TBC1D14: variants seen among roughly 807,000 people sequenced by gnomAD.
TBC1D14 encodes the protein TBC1 domain family member 14.
TBC1D14 carries 26 observed loss-of-function variants against 79.0 expected under a neutral mutation model. The observed-to-expected ratio is 0.33, with a 90% CI of 0.24 to 0.46. TBC1D14 has a LOEUF of 0.46. Ranked by LOEUF, TBC1D14 falls within the 20% of genes least tolerant of loss-of-function variation. The pLI is 1.00. For missense variants in TBC1D14, 769 were observed against 887.6 expected, an observed-to-expected ratio of 0.87 and a Z score of 1.70; for synonymous variants, 394 against 349.9, an observed-to-expected ratio of 1.13 and a Z score of -1.40.
Position 7,010,685 on chromosome 4 carries a change from G to T in TBC1D14, c.1551G>T (p.Leu517Phe). 2 of 1,614,052 alleles carry T rather than the reference G, an allele frequency of 1.2e-6. No individual in the cohort carries two copies. The highest frequency in any genetic ancestry group is 1.1e-5 in the South Asian group (1 of 91,052). The change falls in exon 11 of 14, where the codon TTG (leucine) becomes TTT (phenylalanine). Residue 517 changes from leucine to phenylalanine, a missense_variant. Physicochemically the swap from Leu to Phe is conservative, Grantham distance 22. Around this residue, in one of 2 missense-constraint regions of TBC1D14, gnomAD observed 367 missense variants for 494.4 expected, o/e 0.74. Transcript: ENST00000409757. Reference protein sequence around the residue: ...VQGMSFIAAVLILNLDTADAF... With the variant: ...VQGMSFIAAVFILNLDTADAF... ...GCATGTCCTTCATAGCAGCAGTGTT[G>T]ATCTTGAACTTAGATACTGCAGATG...
At chr4:7,025,578 C>T (rs1281290867) in intron 13 of TBC1D14, among the ~76,000 whole-genome samples, 2 of 152,188 alleles carry the variant, frequency 1.3e-5, no homozygotes, top group Non-Finnish European at 2.9e-5. Context: ...TTGTAAGCCA[C>T]GTACCCCCCT....
chr4:6,923,828 G>A lies in TBC1D14; in HGVS notation c.439G>A (p.Ala147Thr), dbSNP rs765253296. Residue 147 changes from alanine (A) to threonine (T), a missense_variant, in exon 2 of 14, where the codon GCC (alanine) becomes ACC (threonine). Coordinates refer to ENST00000409757, the MANE Select transcript of TBC1D14 (RefSeq NM_020773.3). ...AAAGCTCTATAGCCCGACCTCCAAA[G>A]CCCTGACCCGCAGCGATGATGTCTC... Reference protein sequence around the residue: ...SVKLYSPTSKALTRSDDVSVC... With the variant: ...SVKLYSPTSKTLTRSDDVSVC... 13 of 1,614,178 alleles carry A rather than the reference G, an allele frequency of 8.1e-6. No homozygotes were observed. The highest frequency in any genetic ancestry group is 1.1e-5 in the Non-Finnish European group (13 of 1,180,054).
rs537453867 is a variant in TBC1D14 at position 6,974,269 on chromosome 4, A to G, written c.843+6845A>G. On this transcript the variant is annotated intron_variant, in intron 3 of 13. Transcript: ENST00000409757. ...GCTGATTAGAAGAATTTTGTTTCCA[A>G]GGGGTAAAGTGTGAACCCCCCGATG... Among the ~76,000 whole-genome samples, 16 of 152,254 alleles carry G rather than the reference A, an allele frequency of 1.1e-4. No homozygotes were observed. In the East Asian group the frequency reaches 3.1e-3, roughly 29 times the overall value.
intron 9 of TBC1D14, 128 bp from the exon 10 acceptor site, chr4:7,009,749 A>G (rs1295104286): frequency 1.1e-5 from 10 of 932,110 alleles, no homozygotes; most frequent in Non-Finnish European, 1.4e-5. Context: ...TGCTGGCATC[A>G]TGCTTGGCAT....
At chr4:6,966,991 A>G (rs1340763565) in intron 2 of TBC1D14, among the ~76,000 whole-genome samples, 1 of 152,064 alleles carries the variant, frequency 6.6e-6, no homozygotes, top group Non-Finnish European at 1.5e-5. Flanking sequence ...TTGTATTTTT[A>G]GTAGAGACGG....
chr4:6,938,742 G>C (rs759528968), intron 2 of TBC1D14, among the ~76,000 whole-genome samples: 1 of 152,184 alleles, frequency 6.6e-6, no homozygotes, highest in African/African-American at 2.4e-5. Flanking sequence ...TGTGTGCCTC[G>C]TGGATCCCGC....
At chr4:6,972,644 A>G (rs1343867029) in intron 3 of TBC1D14, among the ~76,000 whole-genome samples, 2 of 152,116 alleles carry the variant, frequency 1.3e-5, no homozygotes, top group African/African-American at 2.4e-5. Context: ...GTCTGAAGCT[A>G]TGGTTTTTGT....
chr4:6,972,341 G>T (rs1716297396), intron 3 of TBC1D14, among the ~76,000 whole-genome samples: 1 of 152,232 alleles, frequency 6.6e-6, no homozygotes, highest in African/African-American at 2.4e-5. Flanking sequence ...GAGGTCACCT[G>T]TTTCAAGTGA....
chr4:6,960,015 ATGGC>A (rs1715032955), intron 2 of TBC1D14, among the ~76,000 whole-genome samples: 1 of 151,396 alleles, frequency 6.6e-6, no homozygotes, highest in Admixed American at 6.6e-5. Context: ...ACACGTTTGC[ATGGC>A]TCAGAAATCA....
rs73799050 is a variant in TBC1D14, at chr4:7,001,047, G to A, written c.1164-98G>A. 4.8e-3 allele frequency: 4,468 copies of A among 927,544 alleles called. 138 individuals carry two copies. In the African/African-American group the frequency reaches 0.06, roughly 12 times the overall value. The allele number at this position is 927,544 out of a possible 1,614,324, so 57.5% of individuals were successfully genotyped here. On this transcript the variant is annotated intron_variant, in intron 6 of 13. Transcript: ENST00000409757. ...GGGCAGGGGCTGTGCCTGATGCAAC[G>A]GTGCATCCCAGCTCTTGGTGGTTCG...
At chr4:6,994,510 A>G (rs940293217) in intron 4 of TBC1D14, among the ~76,000 whole-genome samples, 2 of 152,236 alleles carry the variant, frequency 1.3e-5, no homozygotes, top group African/African-American at 4.8e-5. Context: ...AGTTTTGACC[A>G]GGATTTTCCG....
intron 3 of TBC1D14, among the ~76,000 whole-genome samples, chr4:6,968,866 G>A (rs1715960795): frequency 6.6e-6 from 1 of 152,272 alleles, no homozygotes; most frequent in African/African-American, 2.4e-5. Flanking sequence ...AAGAGAAAGT[G>A]GGGTCTGGCC....
chr4:6,997,011 T>C (rs1401173625), intron 5 of TBC1D14: 1 of 152,238 alleles, frequency 6.6e-6, no homozygotes, highest in East Asian at 1.9e-4. Flanking sequence ...ATATATAACA[T>C]GGATGTGAGG....
At chr4:7,003,721 C>T (rs1397721127) in intron 7 of TBC1D14, among the ~76,000 whole-genome samples, 2 of 151,962 alleles carry the variant, frequency 1.3e-5, no homozygotes, top group Non-Finnish European at 2.9e-5. Context: ...AGAGGAGTGG[C>T]GGGTGCAGCA....
At chr4:6,951,403 A>T (rs1002152953) in intron 2 of TBC1D14, among the ~76,000 whole-genome samples, 8 of 152,178 alleles carry the variant, frequency 5.3e-5, no homozygotes, top group African/African-American at 2.4e-5. Context: ...TGGGTGTGGT[A>T]GCCTGCAATC....
At chr4:6,944,790 G>A (rs905636008) in intron 2 of TBC1D14, among the ~76,000 whole-genome samples, 3 of 152,182 alleles carry the variant, frequency 2.0e-5, no homozygotes, top group Admixed American at 6.5e-5. Context: ...TGGACACAGC[G>A]TCACTGGTTC....
intron 13 of TBC1D14, 123 bp from the exon 14 acceptor site, chr4:7,030,204 G>T: frequency 1.2e-6 from 1 of 832,020 alleles, no homozygotes; most frequent in African/African-American, 1.7e-5. Flanking sequence ...CTGGAGGGTT[G>T]GAGGCAGTGG....
chr4:7,012,950 A>G (rs1422875435), intron 11 of TBC1D14, among the ~76,000 whole-genome samples: 2 of 152,232 alleles, frequency 1.3e-5, no homozygotes, highest in Admixed American at 6.5e-5. Context: ...ATTCCTGAAA[A>G]TAATTCCTGC....
At chr4:7,014,722 G>T (rs952258268) in intron 12 of TBC1D14, among the ~76,000 whole-genome samples, 165 bp downstream of exon 12, 1 of 152,138 alleles carries the variant, frequency 6.6e-6, no homozygotes, top group Admixed American at 6.5e-5. Context: ...CAGTGCCTCC[G>T]CCTGGCCCTC....
Sources: gnomAD v4.1 joint callset for allele counts (sites outside exome capture counted in the v4.1 genomes callset) on GRCh38, gnomAD v4.1.1 for gene constraint, gnomAD v4.1.1 regional missense constraint, MANE v1.5 for transcripts, NCBI Gene and HGNC (gene_info 2026-07-23, HGNC 2026-07-21) for gene names.